The following SYNE2 variants were observed in gnomAD, a reference collection of about 807,000 sequenced individuals.
SYNE2 encodes the protein spectrin repeat containing nuclear envelope protein 2, also known as nesprin-2.
A neutral mutation model predicts 856.3 loss-of-function variants in SYNE2; 431 were observed. The observed-to-expected ratio is 0.50, with a 90% CI of 0.47 to 0.55. The LOEUF (loss-of-function observed/expected upper bound fraction) is 0.55. Among genes scored for constraint, SYNE2 ranks in the 20% least tolerant of loss-of-function variants. SYNE2 has a pLI of 0.00. For missense variants in SYNE2, 8,129 were observed against 8,023.2 expected, an observed-to-expected ratio of 1.01 and a Z score of -0.50; for synonymous variants, 2,923 against 2,872.3, an observed-to-expected ratio of 1.02 and a Z score of -0.56.
At chr14:64,017,152 A>G (rs2096898291) in intron 33 of SYNE2, among the ~76,000 whole-genome samples, 1 of 151,890 alleles carries the variant, frequency 6.6e-6, no homozygotes, top group South Asian at 2.1e-4. Flanking sequence ...CAACATGGTG[A>G]ATCCTGTCTC....
rs79452247 is a variant in SYNE2, at chr14:63,835,486, G to A, written c.-304-17015G>A. Among the ~76,000 whole-genome samples, 1,654 of 152,024 alleles carry A rather than the reference G, an allele frequency of 0.011. 145 individuals are homozygous for A. In the South Asian group the frequency reaches 0.18, roughly 17 times the overall value. ...GACCTCAAGTGATCCGCCCTCTTTG[G>A]CTTCCCAAACTGCTGGGATTACAGG... On this transcript the variant is annotated intron_variant, in intron 1 of 23. Coordinates refer to the SYNE2 transcript ENST00000674003.
At chr14:63,930,491 C>G (rs941419183) in intron 2 of SYNE2, among the ~76,000 whole-genome samples, 1 of 151,480 alleles carries the variant, frequency 6.6e-6, no homozygotes, top group East Asian at 1.9e-4. Context: ...CCTCTGTACA[C>G]CTTCATCTGG....
Position 64,165,396 on chromosome 14 carries a change from C to A in SYNE2, c.16591C>A (p.Pro5531Thr), listed in dbSNP as rs145036293. 4.2e-4 allele frequency: 674 copies of A among 1,613,772 alleles called. 4 individuals are homozygous for A. Among genetic ancestry groups the A allele is most frequent in the Middle Eastern group, 5.1e-4 (3 of 5,922 alleles). ...DRLHQQEKEN[P>T]DSFLNHVLAL... The stretch of plus-strand genomic sequence containing the variant: ...ACTTCACCAACAGGAAAAAGAAAAT[C>A]CTGACTCATTCCTGGTATTGCCAAT... The change falls in exon 90 of 116, where the codon CCT becomes ACT. Residue 5531 changes from proline (P) to threonine (T), a missense_variant. This residue lies in a region of SYNE2 where 5,410 missense variants were observed against 5,284.8 expected (regional missense o/e 1.02). Transcript: ENST00000555002.
At chr14:63,794,853 C>T (rs1040460821) in intron 1 of SYNE2, among the ~76,000 whole-genome samples, 24 of 152,148 alleles carry the variant, frequency 1.6e-4, no homozygotes, top group African/African-American at 5.3e-4. Flanking sequence ...TTGGCAGTTA[C>T]TTAAAAAGTT....
In SYNE2 at chr14:64,120,815, A is replaced by C. The variant is rs7147564; in HGVS notation, c.13024-112A>C. 8.5e-3 allele frequency: 9,570 copies of C among 1,120,462 alleles called. 559 individuals carry two copies. The African/African-American group carries it at 0.13, about 16-fold the overall frequency. 69.4% of individuals were successfully genotyped at this position (1,120,462 alleles called of 1,614,324 possible). On this transcript the variant is annotated intron_variant, in intron 67 of 115. Transcript: ENST00000555002. Reference sequence around the variant, plus strand: ...ATATAATTATAGCAAATAACAAAATACCATCATTTATTTCATGTAAAATTT... The same window carrying C: ...ATATAATTATAGCAAATAACAAAATCCCATCATTTATTTCATGTAAAATTT...
intron 32 of SYNE2, among the ~76,000 whole-genome samples, chr14:64,013,687 A>G (rs989491783): frequency 2.0e-5 from 3 of 152,166 alleles, no homozygotes; most frequent in Admixed American, 6.5e-5. Context: ...GAGAACGAAG[A>G]CCTGGGTTTT....
intron 56 of SYNE2, 104 bp downstream of exon 56, chr14:64,080,742 GT>G: frequency 6.9e-7 from 1 of 1,444,886 alleles, no homozygotes; most frequent in Non-Finnish European, 9.6e-7. Flanking sequence ...TGAATTATCA[GT>G]TTTGGACTTG....
At chr14:64,017,328 CAAAAAAAAAAA>C (rs34399201) in intron 33 of SYNE2, among the ~76,000 whole-genome samples, 10 of 66,600 alleles carry the variant, frequency 1.5e-4, no homozygotes, top group South Asian at 8.1e-4. Flanking sequence ...GACTCCATCT[CAAAAAAAAAAA>C]AAAAAAAAAA....
At chr14:64,193,960 G>A (rs931280590) in intron 99 of SYNE2, among the ~76,000 whole-genome samples, 8 of 152,176 alleles carry the variant, frequency 5.3e-5, no homozygotes, top group Non-Finnish European at 8.8e-5. Flanking sequence ...CCCGGGACAG[G>A]AATGTGCACA....
At chr14:64,091,693 A>G (rs1371230895) in intron 60 of SYNE2, among the ~76,000 whole-genome samples, 1 of 152,150 alleles carries the variant, frequency 6.6e-6, no homozygotes, top group Non-Finnish European at 1.5e-5. Context: ...ACTACTCTCC[A>G]TCAGGAATCA....
chr14:64,031,470 T>C (rs2097034057), intron 45 of SYNE2, 113 bp downstream of exon 45: 4 of 934,664 alleles, frequency 4.3e-6, no homozygotes, highest in East Asian at 5.2e-5. Context: ...AAATCCTCAA[T>C]GTCCTGGCTA....
intron 34 of SYNE2, among the ~76,000 whole-genome samples, chr14:64,019,484 A>C (rs2096920137): frequency 6.6e-6 from 1 of 152,176 alleles, no homozygotes; most frequent in African/African-American, 2.4e-5. Context: ...TTCCTGGATA[A>C]ATGATAATAG....
chr14:64,154,187 A>C (rs1296343458), intron 85 of SYNE2, among the ~76,000 whole-genome samples: 1 of 150,726 alleles, frequency 6.6e-6, no homozygotes, highest in East Asian at 1.9e-4. Flanking sequence ...AAAAAAAGAC[A>C]CAAGTATTAG....
Position 64,221,667 on chromosome 14 carries a change from A to ACC in SYNE2, c.20157_20158dup (p.Arg6720ProfsTer5). 1.2e-6 allele frequency: 2 copies of ACC among 1,613,906 alleles called. No homozygotes were observed. The highest frequency in any genetic ancestry group is 1.7e-6 in the Non-Finnish European group (2 of 1,179,988). ...GCTCATGTCACCGATCCAAAGGCAG[A>ACC]CCCCCGGGCTCTCCTAGAGTGTCGG... On this transcript the variant is annotated frameshift_variant, in exon 112 of 116. Transcript: ENST00000555002. LOFTEE classifies it high-confidence loss of function.
At chr14:64,178,576 G>GCC (rs139539461) in intron 96 of SYNE2, among the ~76,000 whole-genome samples, 1 of 151,600 alleles carries the variant, frequency 6.6e-6, no homozygotes, top group African/African-American at 2.4e-5. Context: ...TCCTACCTCA[G>GCC]CCCCCCCGAG....
intron 74 of SYNE2, among the ~76,000 whole-genome samples, chr14:64,128,820 C>A (rs1321389758): frequency 6.6e-6 from 1 of 152,120 alleles, no homozygotes; most frequent in African/African-American, 2.4e-5. Context: ...GAAAATGAGA[C>A]CCTCATCCTC....
chr14:63,928,805 T>A (rs1322862344), intron 2 of SYNE2, among the ~76,000 whole-genome samples: 2 of 152,208 alleles, frequency 1.3e-5, no homozygotes, highest in African/African-American at 4.8e-5. Flanking sequence ...CTAAAATATG[T>A]TGCATTATTG....
In SYNE2 at chr14:63,967,816, G is replaced by C; in HGVS notation, c.1098G>C (p.Leu366Phe). The part of the protein sequence containing the change: ...LDELDKDHLQ[L>F]REAWDGLDHQ... ...AGCTGGACAAGGATCATTTACAGTT[G>C]AGAGAAGCCTGGGATGGCCTCGATC... Residue 366 changes from leucine to phenylalanine, a missense_variant, in exon 11 of 116, where the codon TTG (leucine) becomes TTC (phenylalanine). Leu to Phe is a conservative substitution (Grantham distance 22, BLOSUM62 0). Transcript: ENST00000555002. 4 of 1,614,108 alleles carry C rather than the reference G, an allele frequency of 2.5e-6. No individual in the cohort carries two copies. The highest frequency in any genetic ancestry group is 1.7e-6 in the Non-Finnish European group (2 of 1,179,968).
chr14:64,105,782 G>C (rs2097767136), intron 64 of SYNE2, among the ~76,000 whole-genome samples: 1 of 127,066 alleles, frequency 7.9e-6, no homozygotes, highest in South Asian at 2.3e-4. Flanking sequence ...TACCAGGCTA[G>C]GTGCAGTTGT....
Sources: gnomAD v4.1 joint callset for allele counts (sites outside exome capture counted in the v4.1 genomes callset) on GRCh38, gnomAD v4.1.1 for gene constraint, gnomAD v4.1.1 regional missense constraint, MANE v1.5 for transcripts, NCBI Gene and HGNC (gene_info 2026-07-23, HGNC 2026-07-21) for gene names.